The following BABAM2 variants were observed in gnomAD, a reference collection of about 807,000 sequenced individuals.
BABAM2 encodes BRISC and BRCA1 A complex member 2.
In BABAM2, 31 loss-of-function variants were observed where a neutral mutation model predicts 54.7. The ratio of observed to expected loss-of-function variants is 0.57; its 90% CI spans 0.43 to 0.77. BABAM2 has a LOEUF of 0.77. Among genes scored for constraint, BABAM2 ranks in the 30% least tolerant of loss-of-function variants. BABAM2 has a pLI of 0.00. For missense variants in BABAM2, 364 were observed against 455.8 expected (o/e 0.80, Z 1.83); for synonymous variants, 167 against 162.9 (o/e 1.03, Z -0.19).
At chr2:28,161,317 G>T (rs777689546) in intron 7 of BABAM2, among the ~76,000 whole-genome samples, 1 of 152,242 alleles carries the variant, frequency 6.6e-6, no homozygotes, top group African/African-American at 2.4e-5. Flanking sequence ...GGCTCCAGGA[G>T]TCTAGGTGCT....
intron 6 of BABAM2, among the ~76,000 whole-genome samples, chr2:28,122,972 A>C (rs1194228468): frequency 6.6e-6 from 1 of 152,194 alleles, no homozygotes; most frequent in African/African-American, 2.4e-5. Context: ...TAAGGAGATA[A>C]ATACTGAGAA....
In BABAM2 at chr2:28,004,802, T is replaced by G. The variant is rs906373814; in HGVS notation, c.300+16715T>G. 2.0e-5 allele frequency among the ~76,000 whole-genome samples: 3 copies of G among 151,930 alleles called. No individual in the cohort carries two copies. The East Asian group carries it at 5.8e-4, about 29-fold the overall frequency. ...CTTCCTGGGCTTAGGTGATCCCACC[T>G]CAGCCTCCTGAGTAGCTGGGACCAC... On this transcript the variant is annotated intron_variant, in intron 4 of 11. Transcript: ENST00000379624.
intron 6 of BABAM2, among the ~76,000 whole-genome samples, chr2:28,089,836 C>T (rs1018826118): frequency 6.6e-6 from 1 of 151,864 alleles, no homozygotes; most frequent in South Asian, 2.1e-4. Context: ...ACCTTCAATG[C>T]GATTAATGTT....
At chr2:28,166,864 G>A (rs1673733298) in intron 7 of BABAM2, among the ~76,000 whole-genome samples, 1 of 152,038 alleles carries the variant, frequency 6.6e-6, no homozygotes, top group Non-Finnish European at 1.5e-5. Context: ...CCCTTTCAGT[G>A]TGCCATCTAT....
At chr2:28,127,419 G>A (rs1205772442) in intron 6 of BABAM2, among the ~76,000 whole-genome samples, 3 of 152,096 alleles carry the variant, frequency 2.0e-5, no homozygotes, top group African/African-American at 7.2e-5. Flanking sequence ...GTCAGTAGTA[G>A]GCTATCGTTG....
chr2:27,951,452 A>G (rs545533341), intron 3 of BABAM2, among the ~76,000 whole-genome samples: 4 of 152,220 alleles, frequency 2.6e-5, no homozygotes, highest in African/African-American at 9.6e-5. Flanking sequence ...ATTGAATTTG[A>G]ATTTAAGTTT....
chr2:28,126,839 T>C (rs12618790), intron 6 of BABAM2, among the ~76,000 whole-genome samples: 148,110 of 148,782 alleles, frequency 1, 73,725 homozygotes, highest in Middle Eastern at 1. Context: ...GCCATTCTAA[T>C]TGGTGTGAGA....
intron 6 of BABAM2, among the ~76,000 whole-genome samples, chr2:28,088,757 T>G (rs2148686921): frequency 6.6e-6 from 1 of 152,328 alleles, no homozygotes; most frequent in African/African-American, 2.4e-5. Flanking sequence ...GCTGCTGCTT[T>G]AAAGGAAACA....
intron 10 of BABAM2, among the ~76,000 whole-genome samples, chr2:28,268,932 T>G (rs936381486): frequency 3.3e-5 from 5 of 152,258 alleles, no homozygotes; most frequent in African/African-American, 4.8e-5. Context: ...TCCTTGCCAA[T>G]GAAAGGCAAG....
chr2:28,245,564 A>T (rs893356999), intron 10 of BABAM2, among the ~76,000 whole-genome samples: 27 of 152,122 alleles, frequency 1.8e-4, no homozygotes, highest in African/African-American at 6.5e-4. Flanking sequence ...TTATTTCCTG[A>T]TTATGTAAGA....
chr2:28,282,787 C>T (rs1451585477), intron 10 of BABAM2, among the ~76,000 whole-genome samples: 1 of 151,948 alleles, frequency 6.6e-6, no homozygotes, highest in Admixed American at 6.6e-5. Flanking sequence ...ATCACGAGGT[C>T]AGGAGTTCAA....
intron 9 of BABAM2, among the ~76,000 whole-genome samples, chr2:28,243,712 AAAAAT>A (rs1682661546): frequency 6.6e-6 from 1 of 152,172 alleles, no homozygotes; most frequent in Non-Finnish European, 1.5e-5. Flanking sequence ...GTCTCAAAAA[AAAAAT>A]AAATAAATTC....
At chr2:27,957,254 A>G (rs777567593) in intron 3 of BABAM2, among the ~76,000 whole-genome samples, 1 of 152,158 alleles carries the variant, frequency 6.6e-6, no homozygotes. Flanking sequence ...AGGATCCACA[A>G]TTTTCAAAGT....
chr2:28,084,458 T>A (rs1665464218), intron 6 of BABAM2, among the ~76,000 whole-genome samples: 1 of 152,006 alleles, frequency 6.6e-6, no homozygotes, highest in Non-Finnish European at 1.5e-5. Context: ...GTGTATGGAG[T>A]TGTGTTTGAA....
chr2:28,145,850 A>G (rs887973974), intron 7 of BABAM2, among the ~76,000 whole-genome samples: 5 of 151,920 alleles, frequency 3.3e-5, no homozygotes, highest in African/African-American at 1.2e-4. Context: ...TTTGTGACTG[A>G]CTTCTTTTTT....
intron 7 of BABAM2, among the ~76,000 whole-genome samples, chr2:28,172,477 A>C (rs1359106027): frequency 6.6e-6 from 1 of 152,206 alleles, no homozygotes; most frequent in African/African-American, 2.4e-5. Flanking sequence ...TCAGACAAGA[A>C]GCACACTACA....
In BABAM2 at chr2:28,047,238, T is replaced by A. The variant is rs186001277; in HGVS notation, c.570+1439T>A. Among the ~76,000 whole-genome samples, 261 of 152,274 alleles carry A rather than the reference T, an allele frequency of 1.7e-3. 1 individual carries two copies. Among genetic ancestry groups the A allele is most frequent in the Admixed American group, 4.1e-3 (62 of 15,292 alleles). ...GTTGTGGAAAATATATATATTAGAT[T>A]TGTGATAACCAAGCATAATTAATTT... On this transcript the variant is annotated intron_variant, in intron 6 of 11. Coordinates refer to ENST00000379624, the MANE Select transcript of BABAM2 (RefSeq NM_199191.3).
intron 6 of BABAM2, among the ~76,000 whole-genome samples, chr2:28,113,825 T>C (rs1668355145): frequency 6.6e-6 from 1 of 152,214 alleles, no homozygotes; most frequent in Non-Finnish European, 1.5e-5. Context: ...TCTTATTTTC[T>C]TGAGCAATGG....
intron 2 of BABAM2, among the ~76,000 whole-genome samples, chr2:27,914,182 G>A (rs1435447079): frequency 6.6e-6 from 1 of 152,146 alleles, no homozygotes; most frequent in African/African-American, 2.4e-5. Context: ...CCAAGTGACT[G>A]TTCAGGCTGT....
Sources: allele counts gnomAD v4.1 joint callset (sites outside exome capture counted in the v4.1 genomes callset), GRCh38; gene constraint gnomAD v4.1.1; transcripts MANE v1.5; gene names NCBI Gene and HGNC (gene_info 2026-07-23, HGNC 2026-07-21).